The following NEGR1 variants were observed in gnomAD, a reference collection of about 807,000 sequenced individuals.
NEGR1 encodes neuronal growth regulator 1, also known as IgLON family member 4.
A neutral mutation model predicts 40.9 loss-of-function variants in NEGR1; 10 were observed. That is an observed-to-expected ratio of 0.24 (90% confidence interval 0.15 to 0.42). The LOEUF (loss-of-function observed/expected upper bound fraction) is 0.42. Among genes scored for constraint, NEGR1 ranks in the 10% least tolerant of loss-of-function variants. NEGR1 has a pLI of 1.00. For missense variants in NEGR1, 352 were observed against 438.9 expected (o/e 0.80, Z 1.77); for synonymous variants, 185 against 166.8 (o/e 1.11, Z -0.84).
intron 1 of NEGR1, among the ~76,000 whole-genome samples, chr1:72,067,075 A>T (rs1647293177): frequency 1.3e-5 from 2 of 152,192 alleles, no homozygotes; most frequent in Non-Finnish European, 2.9e-5. Context: ...GCATGTGGTT[A>T]AAGAGGTAAA....
intron 1 of NEGR1, among the ~76,000 whole-genome samples, chr1:72,094,775 ATCT>A (rs1648634000): frequency 6.6e-6 from 1 of 152,210 alleles, no homozygotes; most frequent in Non-Finnish European, 1.5e-5. Context: ...GCCTCTGTAG[ATCT>A]CACTGGTATT....
At chr1:72,154,010 A>C (rs1417862017) in intron 1 of NEGR1, among the ~76,000 whole-genome samples, 1 of 151,808 alleles carries the variant, frequency 6.6e-6, no homozygotes, top group African/African-American at 2.4e-5. Context: ...TCATCTTATA[A>C]AAAAATTGAC....
intron 2 of NEGR1, among the ~76,000 whole-genome samples, chr1:71,866,575 A>G (rs1660120502): frequency 6.6e-6 from 1 of 152,208 alleles, no homozygotes; most frequent in African/African-American, 2.4e-5. Context: ...TGACTGTGAT[A>G]TTAAATTGTT....
chr1:72,095,665 A>T (rs1325097070), intron 1 of NEGR1, among the ~76,000 whole-genome samples: 1 of 152,090 alleles, frequency 6.6e-6, no homozygotes, highest in African/African-American at 2.4e-5. Context: ...TTTTAAACTT[A>T]AAAAGAAACT....
chr1:71,806,070 G>A (rs2101754669), intron 2 of NEGR1, among the ~76,000 whole-genome samples: 1 of 152,054 alleles, frequency 6.6e-6, no homozygotes, highest in African/African-American at 2.4e-5. Context: ...ATATTGCAGT[G>A]GGCAATAAAT....
At chr1:72,078,635 A>ATT (rs1388091479) in intron 1 of NEGR1, among the ~76,000 whole-genome samples, 16 of 147,190 alleles carry the variant, frequency 1.1e-4, no homozygotes, top group Admixed American at 2.0e-4. Flanking sequence ...ATATATATAT[A>ATT]TATTTATTTA....
intron 6 of NEGR1, among the ~76,000 whole-genome samples, chr1:71,426,017 C>T (rs1277084082): frequency 6.6e-6 from 1 of 152,164 alleles, no homozygotes; most frequent in African/African-American, 2.4e-5. Flanking sequence ...TCATTATTTA[C>T]AGCAGTTAGT....
chr1:71,907,857 T>C (rs564464879), intron 2 of NEGR1, among the ~76,000 whole-genome samples: 3 of 152,260 alleles, frequency 2.0e-5, no homozygotes, highest in Admixed American at 6.5e-5. Flanking sequence ...TGCAGCAACA[T>C]GGATGCAGCT....
intron 1 of NEGR1, among the ~76,000 whole-genome samples, chr1:72,271,861 C>T (rs920568503): frequency 4.6e-5 from 7 of 151,770 alleles, no homozygotes; most frequent in East Asian, 3.9e-4. Context: ...CAACATCTGA[C>T]GGGTTTATCA....
intron 4 of NEGR1, among the ~76,000 whole-genome samples, chr1:71,669,694 A>C (rs919106344): frequency 6.6e-6 from 1 of 151,898 alleles, no homozygotes; most frequent in African/African-American, 2.4e-5. Flanking sequence ...CTCTGTTCCC[A>C]GGCTGGAGTG....
chr1:72,003,177 G>A (rs1056287744), intron 1 of NEGR1, among the ~76,000 whole-genome samples: 2 of 151,884 alleles, frequency 1.3e-5, no homozygotes, highest in African/African-American at 2.4e-5. Context: ...CCCAGTGCTT[G>A]AGGTTTCCTT....
At chr1:71,721,270 A>G (rs894049255) in intron 3 of NEGR1, among the ~76,000 whole-genome samples, 5 of 152,152 alleles carry the variant, frequency 3.3e-5, no homozygotes, top group African/African-American at 1.2e-4. Context: ...TACTCTGGGG[A>G]AAACATGCCT....
chr1:71,995,526 T>C lies in NEGR1; in HGVS notation c.177-60215A>G, dbSNP rs945276434. Among the ~76,000 whole-genome samples, 5 of 152,194 alleles carry C rather than the reference T, an allele frequency of 3.3e-5. No individual in the cohort carries two copies. In the East Asian group the frequency reaches 9.6e-4, roughly 29 times the overall value. Reference sequence around the variant, plus strand: ...GTCTGAAGAATGGTAGAGATTCTTATAGTTTCAATGTTTGTCCATATTCAT... The same window carrying C: ...GTCTGAAGAATGGTAGAGATTCTTACAGTTTCAATGTTTGTCCATATTCAT... On this transcript the variant is annotated intron_variant, in intron 1 of 6. Transcript: ENST00000357731.
chr1:71,988,011 C>A (rs184971779), intron 1 of NEGR1, among the ~76,000 whole-genome samples: 3 of 152,322 alleles, frequency 2.0e-5, no homozygotes, highest in Admixed American at 2.0e-4. Context: ...GAGTCTGTTT[C>A]TTGTTCCCTA....
chr1:71,671,828 C>T (rs757776908), intron 4 of NEGR1, among the ~76,000 whole-genome samples: 8 of 151,956 alleles, frequency 5.3e-5, no homozygotes, highest in Non-Finnish European at 1.0e-4. Context: ...TAACTACTCT[C>T]ACTGGATGTT....
intron 2 of NEGR1, among the ~76,000 whole-genome samples, chr1:71,802,397 A>G (rs1356700819): frequency 6.6e-6 from 1 of 152,192 alleles, no homozygotes; most frequent in Non-Finnish European, 1.5e-5. Flanking sequence ...AGAGCTATTC[A>G]TATGTGATCA....
chr1:72,207,028 G>A (rs531638969), intron 1 of NEGR1, among the ~76,000 whole-genome samples: 1 of 150,572 alleles, frequency 6.6e-6, no homozygotes, highest in Admixed American at 6.6e-5. Context: ...CAAGTGGCAG[G>A]CCCATGAGGA....
chr1:71,967,671 T>G (rs1646221291), intron 1 of NEGR1, among the ~76,000 whole-genome samples: 1 of 152,228 alleles, frequency 6.6e-6, no homozygotes, highest in East Asian at 1.9e-4. Flanking sequence ...TACACACAAA[T>G]AAAAATAAGT....
intron 3 of NEGR1, among the ~76,000 whole-genome samples, chr1:71,747,107 G>A (rs964859213): frequency 1.1e-4 from 17 of 151,980 alleles, no homozygotes; most frequent in Non-Finnish European, 1.5e-5. Context: ...TTCCTCTAGT[G>A]AATAGTAAAA....
Sources: gnomAD v4.1 joint callset for allele counts (sites outside exome capture counted in the v4.1 genomes callset) on GRCh38, gnomAD v4.1.1 for gene constraint, MANE v1.5 for transcripts, NCBI Gene and HGNC (gene_info 2026-07-23, HGNC 2026-07-21) for gene names.